SPATA16: variants seen among roughly 807,000 people sequenced by gnomAD.
SPATA16 encodes spermatogenesis-associated protein 16.
A neutral mutation model predicts 63.3 loss-of-function variants in SPATA16; 36 were observed. That is an observed-to-expected ratio of 0.57 (90% CI 0.44 to 0.75). The LOEUF (loss-of-function observed/expected upper bound fraction) is 0.75, where lower values mean the gene tolerates loss of function less well. Ranked by LOEUF, SPATA16 falls within the 30% of genes least tolerant of loss-of-function variation. The pLI, the probability that SPATA16 is intolerant of heterozygous loss-of-function variation, is 0.00. For synonymous variants in SPATA16, 203 were observed against 216.7 expected (o/e 0.94, Z 0.56); for missense variants, 646 against 679.3 (o/e 0.95, Z 0.54).
chr3:173,117,032 T>C, intron 2 of SPATA16, 88 bp downstream of exon 2: 1 of 1,302,050 alleles, frequency 7.7e-7, no homozygotes, highest in Non-Finnish European at 1.1e-6. Context: ...CACTGCTTAT[T>C]ACAGTATGGC....
At position 173,131,236 on chromosome 3, in the gene SPATA16, A is replaced by T. The variant is rs570463041; in HGVS notation, c.-19+9867T>A. Among the ~76,000 whole-genome samples the T allele has an allele frequency of 2.0e-5, 3 of 152,336 alleles. No individual in the cohort carries two copies. In the East Asian group the frequency reaches 5.8e-4, roughly 29 times the overall value. ...TATTTTAACAAATGGAACCTAACAAAATACATCGTTCAAACAGTTACACGT... is the reference window on the plus strand; with the variant it reads ...TATTTTAACAAATGGAACCTAACAATATACATCGTTCAAACAGTTACACGT... On this transcript the variant is annotated intron_variant, in intron 1 of 10. Coordinates refer to ENST00000351008, the MANE Select transcript of SPATA16 (RefSeq NM_031955.6).
chr3:173,047,150 T>C (rs1184428867), intron 3 of SPATA16, among the ~76,000 whole-genome samples: 1 of 151,892 alleles, frequency 6.6e-6, no homozygotes, highest in Non-Finnish European at 1.5e-5. Context: ...TTGCAGCATC[T>C]TGTGGTTCTT....
intron 4 of SPATA16, among the ~76,000 whole-genome samples, chr3:173,005,327 G>GAAAAAAAAAAAAAAA (rs531594936): frequency 1.3e-5 from 1 of 78,814 alleles, no homozygotes. Context: ...TGTCTCAAAA[G>GAAAAAAAAAAAAAAA]AAAAAAAAAA....
chr3:172,926,964 A>C (rs141724555), intron 6 of SPATA16, among the ~76,000 whole-genome samples: 21 of 152,346 alleles, frequency 1.4e-4, no homozygotes, highest in African/African-American at 5.0e-4. Flanking sequence ...TTAAAGGTAA[A>C]ATATTAACGT....
intron 6 of SPATA16, among the ~76,000 whole-genome samples, chr3:172,935,877 G>T (rs79908900): frequency 0.027 from 4,045 of 152,210 alleles, 94 homozygotes; most frequent in South Asian, 0.087. Flanking sequence ...GGAATAAACT[G>T]CTCTGATTGG....
chr3:172,890,053 C>T (rs1056069645), intron 10 of SPATA16, among the ~76,000 whole-genome samples: 38 of 152,172 alleles, frequency 2.5e-4, no homozygotes, highest in African/African-American at 9.2e-4. Context: ...TTCTCCATCT[C>T]CTTTATCAAC....
intron 2 of SPATA16, among the ~76,000 whole-genome samples, chr3:173,107,441 A>ATC (rs1273373950): frequency 3.1e-4 from 46 of 147,802 alleles, no homozygotes; most frequent in Middle Eastern, 7.2e-3. Context: ...TGTGATGAAA[A>ATC]TCTCTCTCTC....
intron 6 of SPATA16, among the ~76,000 whole-genome samples, chr3:172,934,147 T>G (rs1193582844): frequency 6.6e-6 from 1 of 152,048 alleles, no homozygotes; most frequent in African/African-American, 2.4e-5. Flanking sequence ...CACTTTGGAT[T>G]AAATTCTACA....
chr3:173,076,178 A>G (rs1415356224), intron 2 of SPATA16, among the ~76,000 whole-genome samples: 1 of 145,082 alleles, frequency 6.9e-6, no homozygotes, highest in East Asian at 1.9e-4. Context: ...TATGTTACCC[A>G]TGTTACTTTT....
chr3:172,937,413 T>A (rs1299229410), intron 6 of SPATA16, among the ~76,000 whole-genome samples: 1 of 152,120 alleles, frequency 6.6e-6, no homozygotes, highest in Non-Finnish European at 1.5e-5. Flanking sequence ...TAATACAAAC[T>A]AATAGAAAAA....
At chr3:172,981,976 A>G (rs1015021827) in intron 4 of SPATA16, among the ~76,000 whole-genome samples, 3 of 152,186 alleles carry the variant, frequency 2.0e-5, no homozygotes, top group African/African-American at 7.2e-5. Context: ...AATACTCACT[A>G]TCTGGCTCTA....
At chr3:172,920,018 A>T (rs1732584319) in intron 8 of SPATA16, among the ~76,000 whole-genome samples, 1 of 152,226 alleles carries the variant, frequency 6.6e-6, no homozygotes, top group Non-Finnish European at 1.5e-5. Flanking sequence ...TAAAAATTGA[A>T]TCCAGCTATG....
chr3:172,970,499 C>G (rs906587971), intron 5 of SPATA16, among the ~76,000 whole-genome samples: 11 of 152,170 alleles, frequency 7.2e-5, no homozygotes, highest in Non-Finnish European at 4.4e-5. Flanking sequence ...ACTGGACACT[C>G]AATGCCAAAT....
intron 3 of SPATA16, among the ~76,000 whole-genome samples, chr3:173,020,518 C>T (rs1175133148): frequency 1.3e-5 from 2 of 152,162 alleles, no homozygotes; most frequent in Non-Finnish European, 2.9e-5. Context: ...GATGAACTAA[C>T]TGTCCTTACC....
intron 2 of SPATA16, among the ~76,000 whole-genome samples, chr3:173,082,332 C>T (rs1477405500): frequency 6.6e-6 from 1 of 152,190 alleles, no homozygotes; most frequent in Non-Finnish European, 1.5e-5. Context: ...TTAGAATTCT[C>T]AGAATCCTTG....
At chr3:173,117,835 T>TA in intron 1 of SPATA16, 86 bp from the exon 2 acceptor site, 1 of 1,588,514 alleles carries the variant, frequency 6.3e-7, no homozygotes, top group Non-Finnish European at 8.6e-7. Flanking sequence ...TTTTAAACAC[T>TA]ATTTCATTCA....
chr3:172,984,408 C>T lies in SPATA16; in HGVS notation c.849-7356G>A, dbSNP rs557939227. 5.3e-5 allele frequency among the ~76,000 whole-genome samples: 8 copies of T among 152,302 alleles called. No individual in the cohort carries two copies. In the South Asian group the frequency reaches 1.4e-3, roughly 28 times the overall value. The stretch of plus-strand genomic sequence containing the variant: ...TATCTGCTGTGTTTGGGCTTTCCTT[C>T]GGTTATCCATCTTCCTTCCCCCTTA... On this transcript the variant is annotated intron_variant, in intron 4 of 10. Transcript: ENST00000351008.
rs533815132 is a variant in SPATA16, at chr3:172,980,548, G to T, written c.849-3496C>A. The stretch of plus-strand genomic sequence containing the variant: ...CGGCGGCTTAACATCTGCTAATTTT[G>T]AGCCTTTATGAAGTGATAAGCACCA... On this transcript the variant is annotated intron_variant, in intron 4 of 10. Coordinates refer to ENST00000351008, the MANE Select transcript of SPATA16 (RefSeq NM_031955.6). 4.6e-5 allele frequency among the ~76,000 whole-genome samples: 7 copies of T among 152,132 alleles called. No homozygotes were observed. The East Asian group carries it at 1.4e-3, about 29-fold the overall frequency.
intron 2 of SPATA16, among the ~76,000 whole-genome samples, chr3:173,116,452 C>T (rs1190988490): frequency 6.6e-6 from 1 of 152,146 alleles, no homozygotes; most frequent in East Asian, 1.9e-4. Flanking sequence ...TATAATTTTC[C>T]TACTACCTAT....
Sources: allele counts gnomAD v4.1 joint callset (sites outside exome capture counted in the v4.1 genomes callset), GRCh38; gene constraint gnomAD v4.1.1; transcripts MANE v1.5; gene names NCBI Gene and HGNC (gene_info 2026-07-23, HGNC 2026-07-21).